Variants in SRPK2 observed in about 807,000 individuals in gnomAD.
SRPK2 encodes SFRS protein kinase 2.
SRPK2 carries 21 observed loss-of-function variants against 90.8 expected under a neutral mutation model. The observed-to-expected ratio is 0.23, with a 90% CI of 0.16 to 0.33. The LOEUF (loss-of-function observed/expected upper bound fraction) is 0.33. Ranked by LOEUF, SRPK2 falls within the 10% of genes least tolerant of loss-of-function variation. SRPK2 has a pLI of 1.00. For missense variants in SRPK2, 620 were observed against 869.0 expected (o/e 0.71, Z 3.60); for synonymous variants, 288 against 311.1 (o/e 0.93, Z 0.78).
chr7:105,234,761 T>C (rs554650625), intron 2 of SRPK2, among the ~76,000 whole-genome samples: 47 of 152,054 alleles, frequency 3.1e-4, no homozygotes, highest in Non-Finnish European at 2.9e-5. Flanking sequence ...TGAAGATAGG[T>C]GTGCTGATAT....
intron 7 of SRPK2, among the ~76,000 whole-genome samples, 196 bp from the exon 8 acceptor site, chr7:105,146,854 TA>T (rs1250761748): frequency 6.6e-6 from 1 of 152,170 alleles, no homozygotes; most frequent in African/African-American, 2.4e-5. Context: ...CCAGTGTGTA[TA>T]ATTTCAGAGA....
At chr7:105,387,417 T>G (rs1316306846) in intron 2 of SRPK2, among the ~76,000 whole-genome samples, 1 of 152,224 alleles carries the variant, frequency 6.6e-6, no homozygotes, top group African/African-American at 2.4e-5. Context: ...CCAGTCCATT[T>G]TAACATCTTA....
intron 2 of SRPK2, among the ~76,000 whole-genome samples, chr7:105,263,295 C>G (rs1026160337): frequency 1.3e-5 from 2 of 151,776 alleles, no homozygotes; most frequent in African/African-American, 4.8e-5. Context: ...TTTACTCCAG[C>G]CTGGGCAAAA....
At chr7:105,218,629 G>T (rs1797741585) in intron 2 of SRPK2, among the ~76,000 whole-genome samples, 3 of 152,194 alleles carry the variant, frequency 2.0e-5, no homozygotes, top group South Asian at 4.1e-4. Context: ...TATAATAAAT[G>T]ATGTTTCCTA....
intron 3 of SRPK2, among the ~76,000 whole-genome samples, chr7:105,183,824 C>A (rs1045841928): frequency 6.6e-6 from 1 of 152,132 alleles, no homozygotes; most frequent in Non-Finnish European, 1.5e-5. Context: ...TAGAGATTTA[C>A]TTGACTCTGT....
At chr7:105,359,152 T>C (rs987888328) in intron 2 of SRPK2, among the ~76,000 whole-genome samples, 333 of 25,952 alleles carry the variant, frequency 0.013, no homozygotes, top group Admixed American at 0.025. Context: ...AACCACAGCT[T>C]TTTTTTTTTT....
chr7:105,287,495 G>A (rs1808322657), intron 2 of SRPK2, among the ~76,000 whole-genome samples: 2 of 152,100 alleles, frequency 1.3e-5, no homozygotes, highest in African/African-American at 4.8e-5. Flanking sequence ...CCCACACTTT[G>A]GGAGGCTGAG....
At chr7:105,366,339 C>T (rs1039153200) in intron 2 of SRPK2, among the ~76,000 whole-genome samples, 2 of 148,110 alleles carry the variant, frequency 1.4e-5, no homozygotes, top group Admixed American at 1.4e-4. Flanking sequence ...TGCTTTTTCT[C>T]TAATTGTATT....
At chr7:105,242,589 G>A (rs1368324297) in intron 2 of SRPK2, among the ~76,000 whole-genome samples, 1 of 152,208 alleles carries the variant, frequency 6.6e-6, no homozygotes, top group East Asian at 1.9e-4. Context: ...AGTAAAGCAA[G>A]TGATCATTAT....
At chr7:105,303,797 C>T (rs1473519063) in intron 2 of SRPK2, among the ~76,000 whole-genome samples, 2 of 151,956 alleles carry the variant, frequency 1.3e-5, no homozygotes, top group African/African-American at 4.8e-5. Context: ...TTAATGGTTA[C>T]ATAGTAAAAA....
At chr7:105,318,661 A>G (rs1378099828) in intron 2 of SRPK2, among the ~76,000 whole-genome samples, 2 of 152,192 alleles carry the variant, frequency 1.3e-5, no homozygotes, top group African/African-American at 4.8e-5. Flanking sequence ...TTAAGAGCAA[A>G]TAACTTCACT....
At chr7:105,200,515 G>C (rs1795420096) in intron 3 of SRPK2, among the ~76,000 whole-genome samples, 1 of 151,918 alleles carries the variant, frequency 6.6e-6, no homozygotes. Context: ...GTGGCGGCGG[G>C]GGTAGGGATA....
intron 13 of SRPK2, among the ~76,000 whole-genome samples, chr7:105,131,849 GA>G (rs1802050472): frequency 6.6e-6 from 1 of 152,138 alleles, no homozygotes; most frequent in African/African-American, 2.4e-5. Context: ...TATGGAATAG[GA>G]AAAGCATGAA....
At chr7:105,244,559 A>ACGAGACTC in intron 2 of SRPK2, 1 of 576,164 alleles carries the variant, frequency 1.7e-6, no homozygotes. Flanking sequence ...GGGCGACAGA[A>ACGAGACTC]CGAGACTCCG....
intron 1 of SRPK2, chr7:105,399,118 A>T (rs576066784): frequency 6.6e-6 from 1 of 152,302 alleles, no homozygotes; most frequent in African/African-American, 2.4e-5. Flanking sequence ...TTTCTCCCAA[A>T]TTTAGTAGCT....
intron 13 of SRPK2, among the ~76,000 whole-genome samples, chr7:105,127,862 T>C (rs1345856774): frequency 1.3e-5 from 2 of 152,192 alleles, no homozygotes; most frequent in African/African-American, 4.8e-5. Flanking sequence ...CTAAATCCCA[T>C]TTCTGGTTTT....
rs999162244 is a variant in SRPK2, at chr7:105,320,672, A to T, written c.71+67976T>A. On this transcript the variant is annotated intron_variant, in intron 2 of 15. Transcript: ENST00000393651. Reference sequence around the variant, plus strand: ...GACAAAACCCTATCTACCATCAAAAACCAAACTGTGGCCAAAGACCTTCAT... The same window carrying T: ...GACAAAACCCTATCTACCATCAAAATCCAAACTGTGGCCAAAGACCTTCAT... 5.4e-4 allele frequency among the ~76,000 whole-genome samples: 82 copies of T among 152,322 alleles called. 1 individual carries two copies. The highest frequency in any genetic ancestry group is 7.2e-4 in the Non-Finnish European group (49 of 68,036).
intron 9 of SRPK2, among the ~76,000 whole-genome samples, chr7:105,144,464 T>C (rs1221437951): frequency 6.6e-6 from 1 of 151,916 alleles, no homozygotes; most frequent in Non-Finnish European, 1.5e-5. Context: ...TGGTCTTGAA[T>C]TCCTGACTTC....
chr7:105,248,707 C>T (rs962400092), intron 2 of SRPK2, among the ~76,000 whole-genome samples: 1 of 151,998 alleles, frequency 6.6e-6, no homozygotes, highest in African/African-American at 2.4e-5. Flanking sequence ...TTAGGAGGCC[C>T]GAGGCAGGCA....
Sources: allele counts gnomAD v4.1 joint callset (sites outside exome capture counted in the v4.1 genomes callset), GRCh38; gene constraint gnomAD v4.1.1; transcripts MANE v1.5; gene names NCBI Gene and HGNC (gene_info 2026-07-23, HGNC 2026-07-21).